The following CLSTN2 variants were observed in gnomAD, a reference collection of about 807,000 sequenced individuals.
The protein encoded by CLSTN2 is calsyntenin-2.
A neutral mutation model predicts 101.2 loss-of-function variants in CLSTN2; 48 were observed. The observed-to-expected ratio is 0.47, with a 90% CI of 0.38 to 0.60. The LOEUF is 0.60. CLSTN2 is among the 20% of genes least tolerant of loss of function. The pLI, the probability that CLSTN2 is intolerant of heterozygous loss-of-function variation, is 0.00. For synonymous variants in CLSTN2, 481 were observed against 463.6 expected, an observed-to-expected ratio of 1.04 and a Z score of -0.48; for missense variants, 1,160 against 1,238.2, an observed-to-expected ratio of 0.94 and a Z score of 0.95.
intron 8 of CLSTN2, among the ~76,000 whole-genome samples, chr3:140,467,251 C>T (rs938837737): frequency 1.2e-4 from 18 of 152,144 alleles, no homozygotes; most frequent in African/African-American, 3.9e-4. Context: ...CTTTTGATCA[C>T]AAGAGCCACT....
chr3:140,394,554 A>T (rs1309943622), intron 2 of CLSTN2, among the ~76,000 whole-genome samples: 1 of 152,220 alleles, frequency 6.6e-6, no homozygotes, highest in Non-Finnish European at 1.5e-5. Context: ...GGCAAGATTA[A>T]GCCATCATTG....
At chr3:140,228,371 A>G (rs1401147367) in intron 2 of CLSTN2, among the ~76,000 whole-genome samples, 1 of 152,146 alleles carries the variant, frequency 6.6e-6, no homozygotes, top group Admixed American at 6.5e-5. Flanking sequence ...CCTCATCTCC[A>G]TCTGAGACCA....
At chr3:140,386,670 C>CCATGCTG (rs2088055044) in intron 2 of CLSTN2, among the ~76,000 whole-genome samples, 1 of 152,142 alleles carries the variant, frequency 6.6e-6, no homozygotes, top group Non-Finnish European at 1.5e-5. Context: ...GAGCCATGCT[C>CCATGCTG]TGTCTCCCCT....
intron 2 of CLSTN2, among the ~76,000 whole-genome samples, chr3:140,359,893 G>A (rs2087708936): frequency 6.6e-6 from 1 of 151,812 alleles, no homozygotes; most frequent in Non-Finnish European, 1.5e-5. Flanking sequence ...TGGAAGCTCA[G>A]CAGATACAGA....
intron 1 of CLSTN2, among the ~76,000 whole-genome samples, chr3:140,032,433 C>T (rs554871236): frequency 8.0e-5 from 12 of 150,850 alleles, no homozygotes; most frequent in Non-Finnish European, 1.6e-4. Flanking sequence ...CCCCCGGGTT[C>T]AAGCGCGATT....
At chr3:140,114,879 A>C (rs979740597) in intron 1 of CLSTN2, among the ~76,000 whole-genome samples, 4 of 152,068 alleles carry the variant, frequency 2.6e-5, no homozygotes, top group African/African-American at 9.7e-5. Flanking sequence ...CATGGTTAAT[A>C]TTCTCTGATG....
At chr3:139,969,506 G>T (rs1038971059) in intron 1 of CLSTN2, among the ~76,000 whole-genome samples, 4 of 152,104 alleles carry the variant, frequency 2.6e-5, no homozygotes, top group Non-Finnish European at 5.9e-5. Flanking sequence ...GAGTCTTCAG[G>T]GTCTTCTTGT....
intron 1 of CLSTN2, among the ~76,000 whole-genome samples, chr3:140,075,249 T>A (rs948387752): frequency 5.3e-5 from 8 of 152,174 alleles, no homozygotes; most frequent in Non-Finnish European, 8.8e-5. Flanking sequence ...TCCTTTTCTC[T>A]TTTTCTAGTT....
intron 2 of CLSTN2, among the ~76,000 whole-genome samples, chr3:140,355,423 C>G (rs192860753): frequency 4.9e-4 from 74 of 152,286 alleles, no homozygotes; most frequent in African/African-American, 1.7e-3. Context: ...AAAATGCCCT[C>G]AGCATATAGC....
intron 1 of CLSTN2, among the ~76,000 whole-genome samples, chr3:139,957,314 C>T (rs1935424711): frequency 6.6e-6 from 1 of 152,166 alleles, no homozygotes; most frequent in African/African-American, 2.4e-5. Context: ...GGGATGCCCT[C>T]ATCTTCTCCC....
chr3:140,199,768 G>A lies in CLSTN2; in HGVS notation c.232+23695G>A, dbSNP rs139293592. 5.1e-3 allele frequency among the ~76,000 whole-genome samples: 780 copies of A among 152,314 alleles called. 6 individuals carry two copies. The highest frequency in any genetic ancestry group is 0.017 in the African/African-American group (726 of 41,570). ...AATAAGCACCCCAGTTGAATCTGAT[G>A]TTCTCCAAAGTGTGGGAACCACTGG... On this transcript the variant is annotated intron_variant, in intron 2 of 16. Coordinates refer to ENST00000458420, the MANE Select transcript of CLSTN2 (RefSeq NM_022131.3).
At chr3:140,545,766 G>T (rs1935572518) in intron 9 of CLSTN2, among the ~76,000 whole-genome samples, 1 of 152,190 alleles carries the variant, frequency 6.6e-6, no homozygotes, top group African/African-American at 2.4e-5. Flanking sequence ...AAGTGGACCT[G>T]AGCTCCCATA....
chr3:140,523,431 T>TTTGA (rs1483432375), intron 8 of CLSTN2, among the ~76,000 whole-genome samples: 1 of 152,214 alleles, frequency 6.6e-6, no homozygotes, highest in Non-Finnish European at 1.5e-5. Flanking sequence ...TTTCCTTGTT[T>TTTGA]TTGATTCCTG....
intron 1 of CLSTN2, among the ~76,000 whole-genome samples, chr3:139,962,349 AT>A (rs1935526496): frequency 6.6e-6 from 1 of 152,178 alleles, no homozygotes; most frequent in African/African-American, 2.4e-5. Context: ...GTATATACCC[AT>A]CAAGACATCA....
Position 140,181,706 on chromosome 3 carries a change from T to C in CLSTN2, c.232+5633T>C, listed in dbSNP as rs1024102649. On this transcript the variant is annotated intron_variant, in intron 2 of 16. Transcript: ENST00000458420. ...GACTGTTGCAAACCATGTGTCCTTT[T>C]ATTACACACACACACACACACTTAT... is the stretch of plus-strand genomic sequence containing the variant. Among the ~76,000 whole-genome samples the C allele has an allele frequency of 6.6e-4, 7 of 10,656 alleles. 1 individual carries two copies. The highest frequency in any genetic ancestry group is 1.1e-3 in the African/African-American group (7 of 6,164). 7.0% of individuals were successfully genotyped at this position (10,656 alleles called of 152,430 possible).
At chr3:140,419,647 G>A (rs1466152422) in intron 4 of CLSTN2, among the ~76,000 whole-genome samples, 1 of 53,612 alleles carries the variant, frequency 1.9e-5, no homozygotes, top group Non-Finnish European at 2.9e-5. Context: ...ACATATATAT[G>A]TACACGTATA....
At chr3:140,075,590 T>G (rs756354109) in intron 1 of CLSTN2, among the ~76,000 whole-genome samples, 5 of 152,190 alleles carry the variant, frequency 3.3e-5, no homozygotes, top group African/African-American at 7.2e-5. Context: ...CTCTGCTCCT[T>G]ATGCCATCCC....
intron 10 of CLSTN2, among the ~76,000 whole-genome samples, chr3:140,556,239 G>A (rs1479135372): frequency 6.6e-6 from 1 of 152,120 alleles, no homozygotes; most frequent in African/African-American, 2.4e-5. Flanking sequence ...ACCGTGGCTG[G>A]GTTTTCAATA....
At chr3:140,538,423 G>T (rs1935401866) in intron 9 of CLSTN2, among the ~76,000 whole-genome samples, 1 of 152,152 alleles carries the variant, frequency 6.6e-6, no homozygotes, top group Non-Finnish European at 1.5e-5. Context: ...TGGCTTTTGG[G>T]AAAAGCCAAG....
Sources: allele counts gnomAD v4.1 joint callset (sites outside exome capture counted in the v4.1 genomes callset), GRCh38; gene constraint gnomAD v4.1.1; transcripts MANE v1.5; gene names NCBI Gene and HGNC (gene_info 2026-07-23, HGNC 2026-07-21).